The following TTLL11 variants were observed in gnomAD, a reference collection of about 807,000 sequenced individuals.
TTLL11 encodes the protein tubulin tyrosine ligase like 11, also known as tubulin polyglutamylase TTLL11.
A neutral mutation model predicts 51.7 loss-of-function variants in TTLL11; 42 were observed. That is an observed-to-expected ratio of 0.81 (90% confidence interval 0.64 to 1.05). TTLL11 has a LOEUF of 1.05. Among genes scored for constraint, TTLL11 ranks in the 50% least tolerant of loss-of-function variants. The pLI, the probability that TTLL11 is intolerant of heterozygous loss-of-function variation, is 0.00. For missense variants in TTLL11, 799 were observed against 940.4 expected, an observed-to-expected ratio of 0.85 and a Z score of 1.97; for synonymous variants, 381 against 383.5, an observed-to-expected ratio of 0.99 and a Z score of 0.08.
At chr9:121,866,027 G>A (rs1564279483) in intron 7 of TTLL11, among the ~76,000 whole-genome samples, 1 of 152,236 alleles carries the variant, frequency 6.6e-6, no homozygotes. Flanking sequence ...GGAGCTTGGA[G>A]AGAGAGAGTG....
chr9:121,830,440 G>A (rs1207387158), intron 8 of TTLL11, among the ~76,000 whole-genome samples: 1 of 152,156 alleles, frequency 6.6e-6, no homozygotes, highest in Non-Finnish European at 1.5e-5. Context: ...AGTCCAGTCT[G>A]TATAAACTTC....
At chr9:121,973,190 C>A (rs1842617572) in intron 6 of TTLL11, among the ~76,000 whole-genome samples, 1 of 152,206 alleles carries the variant, frequency 6.6e-6, no homozygotes, top group Admixed American at 6.5e-5. Flanking sequence ...CATATATCCA[C>A]CAACAGCGCA....
chr9:121,837,014 A>G (rs915480686), intron 8 of TTLL11, among the ~76,000 whole-genome samples: 1 of 152,226 alleles, frequency 6.6e-6, no homozygotes, highest in African/African-American at 2.4e-5. Context: ...TTTGCACACA[A>G]ATAGGATCAC....
intron 6 of TTLL11, among the ~76,000 whole-genome samples, chr9:121,880,569 T>C (rs1838748779): frequency 6.6e-6 from 1 of 152,196 alleles, no homozygotes; most frequent in African/African-American, 2.4e-5. Flanking sequence ...GTATACATTA[T>C]TTTTTCTTCA....
At chr9:121,978,238 T>A (rs965963448) in intron 4 of TTLL11, among the ~76,000 whole-genome samples, 1 of 152,328 alleles carries the variant, frequency 6.6e-6, no homozygotes, top group South Asian at 2.1e-4. Context: ...TCAATGGATC[T>A]TAATAAACAG....
intron 6 of TTLL11, among the ~76,000 whole-genome samples, chr9:121,924,036 G>A (rs750412702): frequency 2.6e-5 from 4 of 152,148 alleles, no homozygotes; most frequent in Non-Finnish European, 4.4e-5. Context: ...CATGTAAGAC[G>A]TGCCTTCCAC....
chr9:121,971,379 C>A, intron 6 of TTLL11, among the ~76,000 whole-genome samples: 1 of 96,230 alleles, frequency 1.0e-5, no homozygotes, highest in African/African-American at 3.6e-5. Flanking sequence ...CCAGCCGCCC[C>A]GTCCGGGAGG....
At position 121,821,879 on chromosome 9, in the gene TTLL11, G is replaced by A. The variant is rs1338179709; in HGVS notation, c.*708C>T. The A allele has an allele frequency of 1.3e-5, 2 of 152,128 alleles. No individual in the cohort carries two copies. The highest frequency in any genetic ancestry group is 1.3e-4 in the Admixed American group (2 of 15,278). The allele number at this position is 152,128 out of a possible 1,614,324, so 9.4% of individuals were successfully genotyped here. On this transcript the variant is annotated 3_prime_UTR_variant, in exon 9 of 9. Transcript: ENST00000321582. This position sits in a 1 kb window ranked among gnomAD's most constrained non-coding sequence, Gnocchi z 5.0. ...CATCTGGTCAGGGAGGCTAAAGATG[G>A]GATTCCTGCTTTGGGGTCACAGTCA... is the stretch of plus-strand genomic sequence containing the variant.
intron 2 of TTLL11, among the ~76,000 whole-genome samples, chr9:122,032,361 C>T (rs931010612): frequency 6.6e-6 from 1 of 152,122 alleles, no homozygotes; most frequent in African/African-American, 2.4e-5. Context: ...GGAAAACACA[C>T]ATCTTTCAGC....
intron 1 of TTLL11, among the ~76,000 whole-genome samples, chr9:122,087,464 G>T (rs1405850406): frequency 6.6e-6 from 1 of 152,142 alleles, no homozygotes; most frequent in Admixed American, 6.5e-5. Flanking sequence ...CTAAAGAAAG[G>T]CTGGATAAAT....
chr9:121,999,188 C>T (rs969249922), intron 3 of TTLL11, among the ~76,000 whole-genome samples: 2 of 152,194 alleles, frequency 1.3e-5, no homozygotes, highest in Admixed American at 6.5e-5. Context: ...ATGTTCTATC[C>T]AGGATCACAG....
chr9:121,952,402 C>T (rs546132551), intron 6 of TTLL11, among the ~76,000 whole-genome samples: 5 of 149,828 alleles, frequency 3.3e-5, no homozygotes, highest in Admixed American at 1.3e-4. Flanking sequence ...GCCGAGATCA[C>T]GCCACTGCAC....
chr9:121,857,960 G>A (rs1376205673), intron 8 of TTLL11, among the ~76,000 whole-genome samples: 1 of 151,922 alleles, frequency 6.6e-6, no homozygotes, highest in Non-Finnish European at 1.5e-5. Context: ...CCCTCATCTG[G>A]CCCCCTCCGT....
chr9:121,899,388 TATATATATATATATAC>T (rs1839678257), intron 6 of TTLL11, among the ~76,000 whole-genome samples: 3 of 124,386 alleles, frequency 2.4e-5, no homozygotes, highest in South Asian at 5.8e-4. Context: ...CATATATATA[TATATATATATATATAC>T]ACACACACAC....
chr9:121,951,019 G>A (rs1841837937), intron 6 of TTLL11, among the ~76,000 whole-genome samples: 1 of 152,162 alleles, frequency 6.6e-6, no homozygotes, highest in South Asian at 2.1e-4. Flanking sequence ...TCTTCTTTCT[G>A]GGCACACTCA....
chr9:121,904,179 CT>C (rs200568154), intron 6 of TTLL11, among the ~76,000 whole-genome samples: 632 of 142,524 alleles, frequency 4.4e-3, no homozygotes, highest in African/African-American at 7.5e-3. Context: ...TTGATACATT[CT>C]TTTTTTTTTT....
intron 6 of TTLL11, among the ~76,000 whole-genome samples, chr9:121,925,166 A>G (rs533959720): frequency 2.6e-5 from 4 of 152,322 alleles, no homozygotes; most frequent in African/African-American, 9.6e-5. Flanking sequence ...TTCTACCATG[A>G]TATTTCTGAA....
intron 3 of TTLL11, among the ~76,000 whole-genome samples, chr9:122,001,587 G>A (rs565364909): frequency 6.6e-6 from 1 of 152,206 alleles, no homozygotes; most frequent in Non-Finnish European, 1.5e-5. Flanking sequence ...ATGGACACTC[G>A]CCCTGAGTCC....
chr9:121,867,891 T>C (rs1358000252), intron 7 of TTLL11, among the ~76,000 whole-genome samples: 1 of 152,192 alleles, frequency 6.6e-6, no homozygotes, highest in East Asian at 1.9e-4. Context: ...TTATTTGCCT[T>C]TGAATGTCCC....
Sources: gnomAD v4.1 joint callset for allele counts (sites outside exome capture counted in the v4.1 genomes callset) on GRCh38, gnomAD v4.1.1 for gene constraint, Gnocchi (gnomAD v3.1) non-coding constraint, MANE v1.5 for transcripts, NCBI Gene and HGNC (gene_info 2026-07-23, HGNC 2026-07-21) for gene names.